COL19A1: variants seen among roughly 807,000 people sequenced by gnomAD.
COL19A1 encodes collagen type XIX alpha 1 chain, also known as collagen alpha-1(XIX) chain.
COL19A1 carries 159 observed loss-of-function variants against 190.2 expected under a neutral mutation model. The ratio of observed to expected loss-of-function variants is 0.84; its 90% CI spans 0.73 to 0.95. The LOEUF (loss-of-function observed/expected upper bound fraction) is 0.95, where lower values mean the gene tolerates loss of function less well. Among genes scored for constraint, COL19A1 ranks in the 40% least tolerant of loss-of-function variants. The probability of loss-of-function intolerance (pLI) is 0.00; values close to 1 mark genes in which losing one functional copy is unlikely to be tolerated. For missense variants in COL19A1, 1,418 were observed against 1,431.9 expected (o/e 0.99, Z 0.16); for synonymous variants, 509 against 458.9 (o/e 1.11, Z -1.39).
intron 34 of COL19A1, among the ~76,000 whole-genome samples, chr6:70,160,956 T>G (rs1012703375): frequency 6.6e-6 from 1 of 152,180 alleles, no homozygotes; most frequent in African/African-American, 2.4e-5. Context: ...TGTATGTAAT[T>G]TATCTAACAA....
intron 4 of COL19A1, among the ~76,000 whole-genome samples, chr6:69,921,157 G>GTATATATTCATATACGTATCACA (rs1771734174): frequency 8.1e-6 from 1 of 122,880 alleles, no homozygotes; most frequent in Non-Finnish European, 1.6e-5. Context: ...TATGTATCAC[G>GTATATATTCATATACGTATCACA]TATATATTCA....
chr6:70,119,097 C>A (rs1009826617), intron 16 of COL19A1, among the ~76,000 whole-genome samples: 1 of 152,186 alleles, frequency 6.6e-6, no homozygotes, highest in Non-Finnish European at 1.5e-5. Flanking sequence ...CCCTACAACA[C>A]ATTTGCTTTC....
intron 48 of COL19A1, among the ~76,000 whole-genome samples, chr6:70,196,161 T>G (rs762473028): frequency 1.6e-4 from 24 of 152,232 alleles, no homozygotes; most frequent in Non-Finnish European, 3.1e-4. Context: ...TAGAATATAA[T>G]TATTAAAATA....
intron 24 of COL19A1, 140 bp from the exon 25 acceptor site, chr6:70,144,778 G>GGTGAGTGA (rs769452942): frequency 4.5e-6 from 3 of 664,252 alleles, no homozygotes; most frequent in Non-Finnish European, 8.2e-6. Context: ...TGAGTGAGTT[G>GGTGAGTGA]GTGAGTGAGT....
intron 48 of COL19A1, among the ~76,000 whole-genome samples, chr6:70,190,723 A>G (rs1023354112): frequency 1.3e-5 from 2 of 152,080 alleles, no homozygotes; most frequent in Non-Finnish European, 2.9e-5. Context: ...CTCCTCCACT[A>G]TTATCACCCC....
At chr6:70,194,258 G>A (rs751470666) in intron 48 of COL19A1, among the ~76,000 whole-genome samples, 35 of 152,180 alleles carry the variant, frequency 2.3e-4, no homozygotes, top group Non-Finnish European at 3.5e-4. Flanking sequence ...TGAAACCCTA[G>A]ACCAGGATGA....
chr6:70,127,054 G>A (rs1257507127), intron 17 of COL19A1, among the ~76,000 whole-genome samples: 3 of 152,204 alleles, frequency 2.0e-5, no homozygotes, highest in Non-Finnish European at 4.4e-5. Context: ...AGGCTTTCAT[G>A]AATGGCATTT....
At chr6:70,173,385 A>G (rs974743096) in intron 41 of COL19A1, among the ~76,000 whole-genome samples, 3 of 152,180 alleles carry the variant, frequency 2.0e-5, no homozygotes, top group Non-Finnish European at 4.4e-5. Context: ...TTGAGCCCCA[A>G]GGCCCTCCAG....
At chr6:70,118,564 T>C (rs1422508982) in intron 16 of COL19A1, among the ~76,000 whole-genome samples, 1 of 152,148 alleles carries the variant, frequency 6.6e-6, no homozygotes, top group Non-Finnish European at 1.5e-5. Context: ...ACCCAAACTA[T>C]CCCAGTGACT....
At chr6:70,107,435 C>T (rs1023100368) in intron 16 of COL19A1, among the ~76,000 whole-genome samples, 1 of 152,116 alleles carries the variant, frequency 6.6e-6, no homozygotes, top group Non-Finnish European at 1.5e-5. Flanking sequence ...ATAATAGCAC[C>T]TACCCCACCT....
Position 70,162,130 on chromosome 6 carries a change from T to C in COL19A1, c.2346+177T>C, listed in dbSNP as rs144944754. On this transcript the variant is annotated intron_variant, in intron 35 of 50. Transcript: ENST00000620364. ...ATTTTCATTTAGTATTACTTAAGGC[T>C]ACTCAGTGTCCTGGGGACTTGCCTC... 3.0e-4 allele frequency among the ~76,000 whole-genome samples: 46 copies of C among 152,326 alleles called. No homozygotes were observed. In the East Asian group the frequency reaches 7.5e-3, roughly 25 times the overall value.
At chr6:70,161,831 A>G in intron 34 of COL19A1, 69 bp from the exon 35 acceptor site, 1 of 1,277,616 alleles carries the variant, frequency 7.8e-7, no homozygotes, top group Non-Finnish European at 1.1e-6. Context: ...TGGTCAAAAT[A>G]TTTGATTAAC....
At chr6:70,046,716 C>T (rs1481892781) in intron 14 of COL19A1, among the ~76,000 whole-genome samples, 2 of 151,932 alleles carry the variant, frequency 1.3e-5, no homozygotes, top group Admixed American at 1.3e-4. Context: ...TAGATTTTAC[C>T]ATGTCTTGCC....
intron 11 of COL19A1, among the ~76,000 whole-genome samples, chr6:69,993,877 C>A (rs966984848): frequency 6.6e-6 from 1 of 151,060 alleles, no homozygotes; most frequent in African/African-American, 2.4e-5. Context: ...GTCTATCAAT[C>A]TTATTTATTC....
chr6:70,171,535 T>A (rs930864171), intron 40 of COL19A1, among the ~76,000 whole-genome samples: 2 of 152,238 alleles, frequency 1.3e-5, no homozygotes, highest in African/African-American at 4.8e-5. Context: ...TTAAAGATGA[T>A]AAACACTGCT....
chr6:69,989,689 A>G (rs1278653537), intron 11 of COL19A1, among the ~76,000 whole-genome samples: 2 of 151,886 alleles, frequency 1.3e-5, no homozygotes, highest in Admixed American at 6.6e-5. Flanking sequence ...TACCTAAAAC[A>G]TGGAAACTTG....
chr6:69,871,781 C>T (rs1304235386), intron 1 of COL19A1, among the ~76,000 whole-genome samples: 4 of 151,000 alleles, frequency 2.6e-5, no homozygotes, highest in African/African-American at 9.7e-5. Context: ...CTGAGAGGCT[C>T]CTGACCATCT....
chr6:70,119,765 G>C (rs186378566), intron 16 of COL19A1, among the ~76,000 whole-genome samples: 26 of 152,278 alleles, frequency 1.7e-4, no homozygotes, highest in African/African-American at 6.3e-4. Context: ...AATTCCTGCT[G>C]TAATGCCTAG....
intron 14 of COL19A1, among the ~76,000 whole-genome samples, chr6:70,045,364 A>G (rs1008293511): frequency 6.6e-6 from 1 of 151,390 alleles, no homozygotes; most frequent in Non-Finnish European, 1.5e-5. Context: ...TCATCTGAGT[A>G]ATATCAAGTA....
Sources: allele counts gnomAD v4.1 joint callset (sites outside exome capture counted in the v4.1 genomes callset), GRCh38; gene constraint gnomAD v4.1.1; transcripts MANE v1.5; gene names NCBI Gene and HGNC (gene_info 2026-07-23, HGNC 2026-07-21).